The following ZNF251 variants were observed in gnomAD, a reference collection of about 807,000 sequenced individuals.
ZNF251 encodes the protein zinc finger protein 251.
A neutral mutation model predicts 13.5 loss-of-function variants in ZNF251; 14 were observed. The ratio of observed to expected loss-of-function variants is 1.04; its 90% CI spans 0.69 to 1.63. The LOEUF (loss-of-function observed/expected upper bound fraction) is 1.63. Among genes scored for constraint, ZNF251 ranks in the 40% most tolerant of loss-of-function variants. ZNF251 has a pLI of 0.00. For synonymous variants in ZNF251, 287 were observed against 295.2 expected (o/e 0.97, Z 0.28); for missense variants, 764 against 834.9 (o/e 0.92, Z 1.05).
At chr8:144,754,001 G>A (rs995988942) in intron 3 of ZNF251, among the ~76,000 whole-genome samples, 191 bp downstream of exon 3, 19 of 152,210 alleles carry the variant, frequency 1.2e-4, no homozygotes, top group African/African-American at 4.6e-4. Context: ...ACTGGCAACA[G>A]GGAGTGAAGT....
At chr8:144,727,693 CCAGA>C (rs1444718002) in intron 4 of ZNF251, among the ~76,000 whole-genome samples, 4 of 152,360 alleles carry the variant, frequency 2.6e-5, no homozygotes, top group Non-Finnish European at 4.4e-5. Context: ...GATCTTCTAT[CCAGA>C]CAGTTTGAGG....
intron 4 of ZNF251, among the ~76,000 whole-genome samples, chr8:144,736,355 G>T (rs12542652): frequency 2.0e-5 from 3 of 152,156 alleles, no homozygotes; most frequent in Non-Finnish European, 4.4e-5. Context: ...TACTTTATAA[G>T]GGGGCCCAAG....
At chr8:144,727,238 C>G (rs542777565) in intron 4 of ZNF251, among the ~76,000 whole-genome samples, 1 of 152,306 alleles carries the variant, frequency 6.6e-6, no homozygotes, top group East Asian at 1.9e-4. Context: ...GTGCCGGTTC[C>G]ATGGCTGGGT....
rs796077184 is a variant in ZNF251 at position 144,753,896 on chromosome 8, C to G, written c.164-100G>C. The G allele has an allele frequency of 1.3e-5, 12 of 928,708 alleles. No individual in the cohort carries two copies. In the African/African-American group the frequency reaches 1.3e-4, roughly 10 times the overall value. The allele number at this position is 928,708 out of a possible 1,614,324, so 57.5% of individuals were successfully genotyped here. ...CTGTGTGCACGTGTGTACGCCTGCA[C>G]GTGTGTTGGTCAGGGGGCCCGTGGG... On this transcript the variant is annotated intron_variant, in intron 3 of 4. Transcript: ENST00000292562.
At chr8:144,725,317 T>G (rs757204512) in intron 4 of ZNF251, among the ~76,000 whole-genome samples, 1 of 149,960 alleles carries the variant, frequency 6.7e-6, no homozygotes, top group Non-Finnish European at 1.5e-5. Flanking sequence ...ACCCGGCCTC[T>G]TTTTTTAAAA....
intron 4 of ZNF251, among the ~76,000 whole-genome samples, chr8:144,737,745 T>C (rs1823966196): frequency 1.5e-5 from 2 of 137,686 alleles, no homozygotes; most frequent in African/African-American, 2.8e-5. Flanking sequence ...GGCAGGAGAA[T>C]GGCGTGAACC....
At chr8:144,742,494 C>A (rs1293921315) in intron 4 of ZNF251, among the ~76,000 whole-genome samples, 11 of 151,510 alleles carry the variant, frequency 7.3e-5, no homozygotes, top group African/African-American at 2.4e-4. Context: ...TCCCCCACTA[C>A]TTACCTCCCG....
chr8:144,735,690 C>G (rs1001675824), intron 4 of ZNF251, among the ~76,000 whole-genome samples: 2 of 152,178 alleles, frequency 1.3e-5, no homozygotes, highest in African/African-American at 4.8e-5. Context: ...CAACCGCCCA[C>G]CATAGTGACA....
intron 1 of ZNF251, 25 bp from the exon 2 acceptor site, chr8:144,754,828 A>G (rs1214446946): frequency 6.5e-7 from 1 of 1,527,294 alleles, no homozygotes; most frequent in Non-Finnish European, 8.8e-7. Flanking sequence ...ACTCAGGCTC[A>G]GCCCCATTCA....
At chr8:144,750,547 G>T (rs1824643843) in intron 4 of ZNF251, among the ~76,000 whole-genome samples, 1 of 152,224 alleles carries the variant, frequency 6.6e-6, no homozygotes, top group Non-Finnish European at 1.5e-5. Flanking sequence ...GTTAAGAACA[G>T]AATGGTATAT....
chr8:144,735,725 GC>G (rs1823866563), intron 4 of ZNF251, among the ~76,000 whole-genome samples: 1 of 152,184 alleles, frequency 6.6e-6, no homozygotes, highest in South Asian at 2.1e-4. Context: ...CTGTAGAGTG[GC>G]CCTGGAGACC....
intron 4 of ZNF251, among the ~76,000 whole-genome samples, chr8:144,729,580 C>T (rs1215971987): frequency 6.6e-6 from 1 of 152,096 alleles, no homozygotes; most frequent in Non-Finnish European, 1.5e-5. Flanking sequence ...TCGCCATCCA[C>T]CCGCCTCGGC....
intron 4 of ZNF251, among the ~76,000 whole-genome samples, chr8:144,745,748 T>C (rs1249418817): frequency 1.3e-5 from 2 of 152,048 alleles, no homozygotes; most frequent in Non-Finnish European, 2.9e-5. Context: ...GGGGTCTCAC[T>C]ATGTTGCCTA....
At chr8:144,737,989 C>G (rs1823982343) in intron 4 of ZNF251, among the ~76,000 whole-genome samples, 1 of 152,144 alleles carries the variant, frequency 6.6e-6, no homozygotes, top group Admixed American at 6.6e-5. Flanking sequence ...ACTGTTACCA[C>G]CCACAGGTCT....
chr8:144,723,593 C>A (rs114007332), intron 4 of ZNF251, among the ~76,000 whole-genome samples: 4,494 of 152,248 alleles, frequency 0.03, 210 homozygotes, highest in African/African-American at 0.1. Flanking sequence ...GTAGTCAAAT[C>A]AAAACAAATT....
chr8:144,750,863 T>C (rs980388723), intron 4 of ZNF251, among the ~76,000 whole-genome samples: 2 of 151,696 alleles, frequency 1.3e-5, no homozygotes, highest in Non-Finnish European at 2.9e-5. Context: ...TTTTTTCTTT[T>C]TTTTTTTTTA....
Position 144,721,558 on chromosome 8 carries a change from T to C in ZNF251, c.*86A>G. On this transcript the variant is annotated 3_prime_UTR_variant, in exon 5 of 5. Coordinates refer to ENST00000292562, the MANE Select transcript of ZNF251 (RefSeq NM_138367.2). ...TATTTATTTTACTTTGCCAGTAATA[T>C]TTAGACCTTATATATCTTTCATTAT... 2 of 1,230,268 alleles carry C rather than the reference T, an allele frequency of 1.6e-6. No homozygotes were observed. Among genetic ancestry groups the C allele is most frequent in the East Asian group, 5.9e-5 (2 of 33,754 alleles). 76.2% of individuals were successfully genotyped at this position (1,230,268 alleles called of 1,614,324 possible).
intron 4 of ZNF251, among the ~76,000 whole-genome samples, chr8:144,727,184 C>T (rs1448376736): frequency 6.6e-6 from 1 of 152,228 alleles, no homozygotes; most frequent in African/African-American, 2.4e-5. Flanking sequence ...GGCAGGGACA[C>T]CACTAGGCTT....
Position 144,721,645 on chromosome 8 carries a change from T to G in ZNF251, c.2015A>C (p.Ter672SerextTer18). 2 of 1,342,386 alleles carry G rather than the reference T, an allele frequency of 1.5e-6. No homozygotes were observed. The highest frequency in any genetic ancestry group is 5.2e-5 in the East Asian group (2 of 38,274). The allele number at this position is 1,342,386 out of a possible 1,614,324, so 83.2% of individuals were successfully genotyped here. ...IKKIFQERHF[*>S] ...AAACTGTCTTCTGCATTTATCACATTAAAAATGTCTTTCTTGGAAAATCTT... is the reference window on the plus strand; with the variant it reads ...AAACTGTCTTCTGCATTTATCACATGAAAAATGTCTTTCTTGGAAAATCTT... Residue 672 changes from the stop codon to serine, a stop_lost, in exon 5 of 5, where the codon TAA (stop) becomes TCA (serine). Coordinates refer to ENST00000292562, the MANE Select transcript of ZNF251 (RefSeq NM_138367.2).
Sources: allele counts gnomAD v4.1 joint callset (sites outside exome capture counted in the v4.1 genomes callset), GRCh38; gene constraint gnomAD v4.1.1; transcripts MANE v1.5; gene names NCBI Gene and HGNC (gene_info 2026-07-23, HGNC 2026-07-21).